The following CANX variants were observed in gnomAD, a reference collection of about 807,000 sequenced individuals.
CANX encodes the protein epididymis secretory sperm binding protein.
Under a neutral mutation model 75.7 loss-of-function variants are expected in CANX, and 14 were observed. That is an observed-to-expected ratio of 0.19 (90% CI 0.12 to 0.29). The LOEUF is 0.29. CANX is among the 10% of genes least tolerant of loss of function. The probability of loss-of-function intolerance (pLI) is 1.00; values close to 1 mark genes in which losing one functional copy is unlikely to be tolerated. For missense variants in CANX, 567 were observed against 713.2 expected (o/e 0.79, Z 2.34); for synonymous variants, 227 against 236.9 (o/e 0.96, Z 0.38).
rs369111226 is a variant in CANX, at chr5:179,681,463, G to A, written c.-4+2686G>A. ...GGGGGTGAGGGAAGCAAGACAGGGC[G>A]AGAAAAAGGCTAAGGCTGAGCCAGA... On this transcript the variant is annotated intron_variant, in intron 1 of 14. Transcript: ENST00000681674. Among the ~76,000 whole-genome samples the A allele has an allele frequency of 2.8e-4, 43 of 152,308 alleles. No individual in the cohort carries two copies. The South Asian group carries it at 8.7e-3, about 31-fold the overall frequency.
intron 10 of CANX, among the ~76,000 whole-genome samples, chr5:179,721,817 A>T (rs972526462): frequency 3.3e-5 from 5 of 152,134 alleles, no homozygotes; most frequent in Non-Finnish European, 7.4e-5. Flanking sequence ...TACAAATACT[A>T]ATATATGTAT....
chr5:179,684,924 G>GTTTTTTTTTTTTTTT (rs781629512), intron 1 of CANX, among the ~76,000 whole-genome samples: 5 of 28,984 alleles, frequency 1.7e-4, no homozygotes, highest in South Asian at 1.4e-3. Context: ...GGCTAATTTT[G>GTTTTTTTTTTTTTTT]TATTTTTTTT....
chr5:179,679,323 C>T lies in CANX; in HGVS notation c.-4+546C>T. Reference sequence around the variant, plus strand: ...TTGGTACAGGCCGCCTCTCAAACCGCGAGGCCGGCGGACATGTCTTAGCCC... The same window carrying T: ...TTGGTACAGGCCGCCTCTCAAACCGTGAGGCCGGCGGACATGTCTTAGCCC... On this transcript the variant is annotated intron_variant, in intron 1 of 14. Coordinates refer to the CANX transcript ENST00000681674. 5.1e-6 allele frequency: 7 copies of T among 1,365,824 alleles called. No individual in the cohort carries two copies. In the South Asian group the frequency reaches 1.0e-4, roughly 20 times the overall value. 84.6% of individuals were successfully genotyped at this position (1,365,824 alleles called of 1,614,324 possible). A position where few individuals can be genotyped will look rare whatever the true frequency, so the allele number is the denominator to read the frequency against.
chr5:179,725,164 C>T (rs1166970001), intron 13 of CANX, among the ~76,000 whole-genome samples: 1 of 152,108 alleles, frequency 6.6e-6, no homozygotes, highest in Non-Finnish European at 1.5e-5. Context: ...TAGCTGGGAC[C>T]ACAGGCATGC....
In CANX at chr5:179,730,986, A is replaced by T. The variant is rs951056156; in HGVS notation, c.*2342A>T. Reference sequence around the variant, plus strand: ...TGTGTGTGTGTGACTATGTTCAATTAGTGGGTTGATCTTCGTATAATTGGC... The same window carrying T: ...TGTGTGTGTGTGACTATGTTCAATTTGTGGGTTGATCTTCGTATAATTGGC... On this transcript the variant is annotated 3_prime_UTR_variant, in exon 15 of 15. Transcript: ENST00000247461. 2 of 152,226 alleles carry T rather than the reference A, an allele frequency of 1.3e-5. No individual in the cohort carries two copies. The highest frequency in any genetic ancestry group is 2.9e-5 in the Non-Finnish European group (2 of 68,034). 9.4% of individuals were successfully genotyped at this position (152,226 alleles called of 1,614,324 possible). A position where few individuals can be genotyped will look rare whatever the true frequency, so the allele number is the denominator to read the frequency against.
chr5:179,695,184 G>A (rs966909605), upstream of CANX, among the ~76,000 whole-genome samples: 8 of 151,876 alleles, frequency 5.3e-5, no homozygotes, highest in African/African-American at 1.7e-4. Context: ...CCAGCAGCTG[G>A]GACTACAGGC....
chr5:179,679,350 G>A (rs1775993676), intron 1 of CANX: 2 of 1,170,554 alleles, frequency 1.7e-6, no homozygotes, highest in Non-Finnish European at 2.3e-6. Context: ...TCTTAGCCCT[G>A]CAGCTACGGC....
At chr5:179,709,562 T>C (rs1777385055) in intron 6 of CANX, 1 of 216,968 alleles carries the variant, frequency 4.6e-6, no homozygotes, top group African/African-American at 2.3e-5. Context: ...TTACCAACTG[T>C]TTTTATCTGA....
rs2113299190 is a variant in CANX, at chr5:179,728,783, T to G, written c.*139T>G. On this transcript the variant is annotated 3_prime_UTR_variant, in exon 15 of 15. Coordinates refer to ENST00000247461, the MANE Select transcript of CANX (RefSeq NM_001746.4). Reference sequence around the variant, plus strand: ...CCATCAGCAGGCTCCAGTTGAACACTAGTCTGTGTAACTTTAAACATCTAG... The same window carrying G: ...CCATCAGCAGGCTCCAGTTGAACACGAGTCTGTGTAACTTTAAACATCTAG... The G allele has an allele frequency of 1.4e-6, 1 of 714,278 alleles. No homozygotes were observed. Among genetic ancestry groups the G allele is most frequent in the African/African-American group, 1.7e-5 (1 of 57,230 alleles). 44.2% of individuals were successfully genotyped at this position (714,278 alleles called of 1,614,324 possible).
chr5:179,713,945 A>G (rs182668118), intron 7 of CANX, among the ~76,000 whole-genome samples: 1 of 152,080 alleles, frequency 6.6e-6, no homozygotes, highest in Admixed American at 6.6e-5. Context: ...TAAATGTTTA[A>G]GGTTACAGAT....
intron 1 of CANX, among the ~76,000 whole-genome samples, chr5:179,679,634 C>G (rs538502369): frequency 3.9e-5 from 6 of 151,942 alleles, no homozygotes; most frequent in Non-Finnish European, 8.8e-5. Flanking sequence ...AACTTCTAGG[C>G]AGAGGGAAGA....
At chr5:179,718,222 G>C (rs749629407) in intron 8 of CANX, among the ~76,000 whole-genome samples, 2 of 152,086 alleles carry the variant, frequency 1.3e-5, no homozygotes, top group Non-Finnish European at 2.9e-5. Context: ...TGTCACCCAG[G>C]CTGGAGTGCA....
chr5:179,686,847 G>A (rs957206799), intron 1 of CANX, among the ~76,000 whole-genome samples: 6 of 152,090 alleles, frequency 3.9e-5, no homozygotes, highest in African/African-American at 1.2e-4. Flanking sequence ...GCACAGTCTC[G>A]GCCCACTGCA....
Position 179,730,889 on chromosome 5 carries a change from C to CT in CANX, c.*2246dup, listed in dbSNP as rs1778951059. 1 of 152,224 alleles carries CT rather than the reference C, an allele frequency of 6.6e-6. No homozygotes were observed. The highest frequency in any genetic ancestry group is 6.5e-5 in the Admixed American group (1 of 15,278). 9.4% of individuals were successfully genotyped at this position (152,224 alleles called of 1,614,324 possible). ...CCTCACTTTTCAATTTGTCATGTTACTAAATGGTGTTACATTAAAGCCCTG... is the reference window on the plus strand; with the variant it reads ...CCTCACTTTTCAATTTGTCATGTTACTTAAATGGTGTTACATTAAAGCCCTG... On this transcript the variant is annotated 3_prime_UTR_variant, in exon 15 of 15. Coordinates refer to ENST00000247461, the MANE Select transcript of CANX (RefSeq NM_001746.4).
Position 179,708,266 on chromosome 5 carries a change from A to C in CANX, c.332A>C (p.Glu111Ala), listed in dbSNP as rs774523334. ...DGKWEVEEMK[E>A]SKLPGDKGLV... is the part of the protein sequence containing the mutation. ...AAGTGGGAGGTAGAGGAAATGAAGGAGTCAAAGCTTCCAGGTGATAAAGGA... is the reference window on the plus strand; with the variant it reads ...AAGTGGGAGGTAGAGGAAATGAAGGCGTCAAAGCTTCCAGGTGATAAAGGA... The change falls in exon 5 of 15, where the codon GAG becomes GCG. Residue 111 changes from glutamate to alanine, a missense_variant. By Grantham distance (107) the Glu-to-Ala change is moderately radical. Coordinates refer to ENST00000247461, the MANE Select transcript of CANX (RefSeq NM_001746.4). 3.1e-6 allele frequency: 5 copies of C among 1,613,490 alleles called. No homozygotes were observed. The East Asian group carries it at 8.9e-5, about 29-fold the overall frequency.
chr5:179,684,806 G>C (rs1299971311), intron 1 of CANX, among the ~76,000 whole-genome samples: 1 of 151,294 alleles, frequency 6.6e-6, no homozygotes, highest in Non-Finnish European at 1.5e-5. Flanking sequence ...GCCCAGGCTG[G>C]AGTGCAATAG....
chr5:179,683,172 A>G (rs1007294264), intron 1 of CANX, among the ~76,000 whole-genome samples: 3 of 152,226 alleles, frequency 2.0e-5, no homozygotes, highest in African/African-American at 7.2e-5. Flanking sequence ...TCTGTCGCAC[A>G]GGCTGGAGTG....
At chr5:179,691,535 C>T (rs1019159633) in intron 1 of CANX, among the ~76,000 whole-genome samples, 3 of 151,606 alleles carry the variant, frequency 2.0e-5, no homozygotes, top group African/African-American at 7.3e-5. Flanking sequence ...CAGGGAGATC[C>T]CATCTCTGCA....
chr5:179,693,677 TAAAATA>T (rs1293536736), upstream of CANX, among the ~76,000 whole-genome samples: 3 of 150,092 alleles, frequency 2.0e-5, no homozygotes, highest in African/African-American at 4.9e-5. Flanking sequence ...CTCAAAAAAA[TAAAATA>T]AAAATAAAAA....
Sources: allele counts gnomAD v4.1 joint callset (sites outside exome capture counted in the v4.1 genomes callset), GRCh38; gene constraint gnomAD v4.1.1; transcripts MANE v1.5; gene names NCBI Gene and HGNC (gene_info 2026-07-23, HGNC 2026-07-21).